The following GPC5 variants were observed in gnomAD, a reference collection of about 807,000 sequenced individuals.
The protein encoded by GPC5 is glypican 5.
GPC5 carries 47 observed loss-of-function variants against 53.9 expected under a neutral mutation model. The observed-to-expected ratio is 0.87, with a 90% CI of 0.69 to 1.11. The LOEUF (loss-of-function observed/expected upper bound fraction) is 1.11. Ranked by LOEUF, GPC5 falls within the 50% of genes most tolerant of loss-of-function variation. GPC5 has a pLI of 0.00. For missense variants in GPC5, 748 were observed against 713.1 expected (o/e 1.05, Z -0.56); for synonymous variants, 286 against 263.3 (o/e 1.09, Z -0.84).
intron 7 of GPC5, among the ~76,000 whole-genome samples, chr13:92,187,973 A>G (rs989927811): frequency 6.6e-6 from 1 of 152,170 alleles, no homozygotes; most frequent in Admixed American, 6.5e-5. Flanking sequence ...ATTTTTTAAC[A>G]TAGAAATCCC....
intron 7 of GPC5, among the ~76,000 whole-genome samples, chr13:92,825,882 A>C (rs1458953831): frequency 1.3e-5 from 2 of 152,120 alleles, no homozygotes; most frequent in African/African-American, 4.8e-5. Context: ...ATACTTATTC[A>C]TGATGCTACA....
chr13:92,082,474 G>C (rs1254586304), intron 6 of GPC5, among the ~76,000 whole-genome samples: 1 of 152,108 alleles, frequency 6.6e-6, no homozygotes, highest in Non-Finnish European at 1.5e-5. Flanking sequence ...TAAAGTTGAG[G>C]TGTGTATTAA....
intron 7 of GPC5, among the ~76,000 whole-genome samples, chr13:92,761,872 G>A (rs371042095): frequency 1.9e-4 from 29 of 152,162 alleles, no homozygotes; most frequent in Middle Eastern, 6.8e-3. Context: ...TGTGAGCTAG[G>A]AGAAAATGTG....
intron 5 of GPC5, among the ~76,000 whole-genome samples, chr13:91,816,288 A>T (rs1239225392): frequency 6.6e-6 from 1 of 152,112 alleles, no homozygotes. Flanking sequence ...CAAGGTGGGC[A>T]TTGGAAAGTA....
At chr13:92,034,804 T>C (rs2040879973) in intron 6 of GPC5, among the ~76,000 whole-genome samples, 2 of 152,176 alleles carry the variant, frequency 1.3e-5, no homozygotes, top group Non-Finnish European at 2.9e-5. Flanking sequence ...CGTAACATTA[T>C]GTAACTCTAA....
At chr13:92,146,993 G>T (rs930877839) in intron 7 of GPC5, among the ~76,000 whole-genome samples, 9 of 152,022 alleles carry the variant, frequency 5.9e-5, no homozygotes, top group Non-Finnish European at 1.2e-4. Flanking sequence ...GGGCATAATG[G>T]ATATAAATTG....
At chr13:91,902,417 T>C (rs1393187486) in intron 5 of GPC5, among the ~76,000 whole-genome samples, 1 of 152,078 alleles carries the variant, frequency 6.6e-6, no homozygotes, top group African/African-American at 2.4e-5. Flanking sequence ...GGCTTGCCTT[T>C]TTTCCTTGTT....
At chr13:91,907,854 C>T (rs575284226) in intron 5 of GPC5, 83 bp from the exon 6 acceptor site, 52 of 1,428,856 alleles carry the variant, frequency 3.6e-5, no homozygotes, top group African/African-American at 1.9e-4. Context: ...GAGGAAATTC[C>T]GACCTCAAAT....
At chr13:92,608,441 T>C (rs1164448648) in intron 7 of GPC5, among the ~76,000 whole-genome samples, 3 of 152,200 alleles carry the variant, frequency 2.0e-5, no homozygotes, top group East Asian at 3.9e-4. Flanking sequence ...TATCCTATAA[T>C]GGTAGGCAAT....
intron 5 of GPC5, among the ~76,000 whole-genome samples, chr13:91,813,032 G>A (rs1452292367): frequency 1.3e-5 from 2 of 152,152 alleles, no homozygotes; most frequent in Admixed American, 1.3e-4. Context: ...TGTCACGGAA[G>A]TACTACATTT....
intron 7 of GPC5, among the ~76,000 whole-genome samples, chr13:92,849,298 T>A (rs941567986): frequency 6.6e-6 from 1 of 152,178 alleles, no homozygotes; most frequent in African/African-American, 2.4e-5. Flanking sequence ...GCCAATGGAA[T>A]TGCTTCTTTA....
chr13:92,210,351 T>G (rs1295133300), intron 7 of GPC5, among the ~76,000 whole-genome samples: 1 of 152,200 alleles, frequency 6.6e-6, no homozygotes, highest in Admixed American at 6.5e-5. Flanking sequence ...TTAAGTGCCT[T>G]AATAGATATT....
intron 6 of GPC5, among the ~76,000 whole-genome samples, chr13:92,055,608 C>T (rs2138844913): frequency 6.6e-6 from 1 of 152,292 alleles, no homozygotes; most frequent in Non-Finnish European, 1.5e-5. Context: ...ACAACATTTA[C>T]TGCCTATTTT....
At chr13:92,338,018 G>A (rs923463805) in intron 7 of GPC5, among the ~76,000 whole-genome samples, 1 of 151,754 alleles carries the variant, frequency 6.6e-6, no homozygotes, top group African/African-American at 2.4e-5. Context: ...AAGAATGAGA[G>A]GTGAATGCAT....
At chr13:92,475,984 C>T (rs1436564409) in intron 7 of GPC5, among the ~76,000 whole-genome samples, 6 of 152,020 alleles carry the variant, frequency 3.9e-5, no homozygotes, top group African/African-American at 1.2e-4. Context: ...TAGGCATGGG[C>T]AAGGACTTCA....
chr13:91,939,391 C>T (rs775285942), intron 6 of GPC5, among the ~76,000 whole-genome samples: 19 of 152,204 alleles, frequency 1.2e-4, no homozygotes, highest in African/African-American at 3.4e-4. Flanking sequence ...TAATATATGA[C>T]GTAGCCAAGG....
intron 7 of GPC5, among the ~76,000 whole-genome samples, chr13:92,191,895 A>AGG (rs1348883375): frequency 6.6e-6 from 1 of 152,210 alleles, no homozygotes; most frequent in African/African-American, 2.4e-5. Context: ...AATTTACAGT[A>AGG]GGTTTATCCA....
chr13:92,021,134 T>C (rs1026747759), intron 6 of GPC5, among the ~76,000 whole-genome samples: 2 of 152,180 alleles, frequency 1.3e-5, no homozygotes, highest in African/African-American at 4.8e-5. Flanking sequence ...CTTCTGAGGA[T>C]TTATTCAACA....
intron 7 of GPC5, among the ~76,000 whole-genome samples, chr13:92,327,374 A>G (rs2225059): frequency 0.12 from 17,697 of 152,196 alleles, 1,123 homozygotes; most frequent in Middle Eastern, 0.15. Context: ...TGCTTGTGTT[A>G]CTATCTTACA....
Sources: gnomAD v4.1 joint callset for allele counts (sites outside exome capture counted in the v4.1 genomes callset) on GRCh38, gnomAD v4.1.1 for gene constraint, MANE v1.5 for transcripts, NCBI Gene and HGNC (gene_info 2026-07-23, HGNC 2026-07-21) for gene names.